GTF2F2: variants seen among roughly 807,000 people sequenced by gnomAD.
The protein encoded by GTF2F2 is ATP-dependent helicase GTF2F2.
In GTF2F2, 23 loss-of-function variants were observed where a neutral mutation model predicts 42.2. The ratio of observed to expected loss-of-function variants is 0.55; its 90% CI spans 0.39 to 0.77. GTF2F2 has a LOEUF of 0.77. GTF2F2 is among the 30% of genes least tolerant of loss of function. The pLI is 0.00. For synonymous variants in GTF2F2, 105 were observed against 100.8 expected, an observed-to-expected ratio of 1.04 and a Z score of -0.25; for missense variants, 261 against 287.2, an observed-to-expected ratio of 0.91 and a Z score of 0.66.
intron 4 of GTF2F2, among the ~76,000 whole-genome samples, chr13:45,196,578 G>C (rs1261473506): frequency 6.6e-6 from 1 of 152,130 alleles, no homozygotes; most frequent in Non-Finnish European, 1.5e-5. Context: ...AAATCAAAAA[G>C]GCATAACAAT....
At chr13:45,191,227 A>G (rs1270878411) in intron 4 of GTF2F2, among the ~76,000 whole-genome samples, 2 of 116,132 alleles carry the variant, frequency 1.7e-5, no homozygotes, top group Non-Finnish European at 3.5e-5. Context: ...AAAAAAAAAT[A>G]TATATATATA....
chr13:45,182,587 A>G (rs76724414), intron 4 of GTF2F2, among the ~76,000 whole-genome samples: 4,374 of 152,182 alleles, frequency 0.029, 219 homozygotes, highest in African/African-American at 0.093. Context: ...CTATATCTCA[A>G]AAATCTGTGA....
chr13:45,272,611 G>C (rs1307785327), intron 7 of GTF2F2, among the ~76,000 whole-genome samples: 1 of 151,348 alleles, frequency 6.6e-6, no homozygotes, highest in African/African-American at 2.4e-5. Flanking sequence ...GGGAGTGGTG[G>C]TGCACACCTG....
Position 45,283,509 on chromosome 13 carries a change from G to A in GTF2F2, c.698G>A (p.Trp233Ter), listed in dbSNP as rs912350839. Residue 233 changes from tryptophan (W) to a stop codon, truncating the protein, a stop_gained, in exon 8 of 8, where the codon TGG becomes TAG. Coordinates refer to ENST00000340473, the MANE Select transcript of GTF2F2 (RefSeq NM_004128.3). LOFTEE classifies it high-confidence loss of function. ...QNVKGIHKNTWELKPEYRHYQ... is the reference protein window; with the variant it reads ...QNVKGIHKNT ...GTAAAAGGGATCCACAAAAACACAT[G>A]GGAGCTGAAGCCAGAGTACAGACAC... The A allele has an allele frequency of 1.2e-6, 2 of 1,612,490 alleles. No individual in the cohort carries two copies. Among genetic ancestry groups the A allele is most frequent in the African/African-American group, 2.7e-5 (2 of 74,866 alleles).
At chr13:45,221,209 G>A (rs1352694493) in intron 5 of GTF2F2, among the ~76,000 whole-genome samples, 1 of 151,932 alleles carries the variant, frequency 6.6e-6, no homozygotes, top group Non-Finnish European at 1.5e-5. Flanking sequence ...AGTTTCTCAG[G>A]TAAAAAACCT....
chr13:45,268,601 A>T (rs191736937), intron 7 of GTF2F2, among the ~76,000 whole-genome samples: 88 of 152,040 alleles, frequency 5.8e-4, no homozygotes, highest in African/African-American at 1.8e-3. Context: ...TAGATTAAAA[A>T]TTTTTTTTGA....
At chr13:45,174,930 C>G (rs534898387) in intron 4 of GTF2F2, among the ~76,000 whole-genome samples, 1 of 152,234 alleles carries the variant, frequency 6.6e-6, no homozygotes, top group Admixed American at 6.5e-5. Flanking sequence ...TCTGTCACCT[C>G]AAACATTTAT....
intron 5 of GTF2F2, among the ~76,000 whole-genome samples, chr13:45,240,100 G>GGTTT (rs1180823984): frequency 9.7e-6 from 1 of 102,900 alleles, no homozygotes; most frequent in Admixed American, 8.5e-5. Flanking sequence ...TATGTAGAGG[G>GGTTT]ATTTTTTTTT....
intron 4 of GTF2F2, 134 bp from the exon 5 acceptor site, chr13:45,207,290 T>G: frequency 1.6e-6 from 1 of 609,242 alleles, no homozygotes; most frequent in Non-Finnish European, 2.9e-6. Flanking sequence ...GTGAGATTCC[T>G]GAAACTTAAC....
intron 7 of GTF2F2, among the ~76,000 whole-genome samples, chr13:45,276,737 G>T (rs768812158): frequency 6.6e-6 from 1 of 152,080 alleles, no homozygotes; most frequent in African/African-American, 2.4e-5. Flanking sequence ...CACCGCGCCC[G>T]GCCTAATACA....
intron 5 of GTF2F2, among the ~76,000 whole-genome samples, chr13:45,242,197 ACCTGGCCTTTCT>A (rs1175537463): frequency 8.5e-5 from 12 of 141,248 alleles, no homozygotes; most frequent in South Asian, 2.3e-4. Context: ...CTATTACTTC[ACCTGGCCTTTCT>A]CCTGGCCTTC....
chr13:45,200,265 C>G (rs1873110328), intron 4 of GTF2F2, among the ~76,000 whole-genome samples: 2 of 151,862 alleles, frequency 1.3e-5, no homozygotes. Context: ...GAGGGAGAGA[C>G]AAAACAATGT....
At chr13:45,253,665 C>G (rs776838893) in intron 6 of GTF2F2, among the ~76,000 whole-genome samples, 9 of 152,330 alleles carry the variant, frequency 5.9e-5, no homozygotes, top group Non-Finnish European at 7.4e-5. Context: ...CCATCTTGCT[C>G]CATCCCATCC....
chr13:45,253,046 A>G (rs1875945362), intron 6 of GTF2F2, 76 bp downstream of exon 6: 1 of 621,834 alleles, frequency 1.6e-6, no homozygotes, highest in Non-Finnish European at 2.7e-6. Flanking sequence ...TAGGTTTCCA[A>G]AGAACCTGAG....
At chr13:45,222,500 A>G (rs1332412206) in intron 5 of GTF2F2, among the ~76,000 whole-genome samples, 3 of 152,232 alleles carry the variant, frequency 2.0e-5, no homozygotes, top group African/African-American at 4.8e-5. Flanking sequence ...TGTCTTTAGT[A>G]TAACATATCA....
At chr13:45,132,130 TATTA>T (rs1288093037) in intron 1 of GTF2F2, among the ~76,000 whole-genome samples, 3 of 152,212 alleles carry the variant, frequency 2.0e-5, no homozygotes, top group Non-Finnish European at 4.4e-5. Flanking sequence ...TTGCTTAATG[TATTA>T]ATTATCTATT....
At chr13:45,156,824 A>G (rs1870778677) in intron 4 of GTF2F2, among the ~76,000 whole-genome samples, 1 of 152,098 alleles carries the variant, frequency 6.6e-6, no homozygotes, top group Non-Finnish European at 1.5e-5. Context: ...TTTTGCTTTC[A>G]TTTTTCATTA....
At chr13:45,171,866 C>CTTTT (rs35742068) in intron 4 of GTF2F2, among the ~76,000 whole-genome samples, 4 of 140,796 alleles carry the variant, frequency 2.8e-5, no homozygotes, top group African/African-American at 1.0e-4. Flanking sequence ...CTTTTGTGAC[C>CTTTT]TTTTTTTTTT....
At chr13:45,215,434 T>A (rs528524910) in intron 5 of GTF2F2, among the ~76,000 whole-genome samples, 25 of 152,234 alleles carry the variant, frequency 1.6e-4, no homozygotes, top group Non-Finnish European at 2.5e-4. Flanking sequence ...AACAGAAAAC[T>A]AGGCAAGGTG....
Sources: allele counts gnomAD v4.1 joint callset (sites outside exome capture counted in the v4.1 genomes callset), GRCh38; gene constraint gnomAD v4.1.1; transcripts MANE v1.5; gene names NCBI Gene and HGNC (gene_info 2026-07-23, HGNC 2026-07-21).